ZNF7: variants seen among roughly 807,000 people sequenced by gnomAD.
ZNF7 encodes C2-H2 type zinc finger protein.
Under a neutral mutation model 12.0 loss-of-function variants are expected in ZNF7, and 10 were observed. The ratio of observed to expected loss-of-function variants is 0.83; its 90% CI spans 0.51 to 1.42. The LOEUF (loss-of-function observed/expected upper bound fraction) is 1.42, where lower values mean the gene tolerates loss of function less well. Ranked by LOEUF, ZNF7 falls within the 40% of genes most tolerant of loss-of-function variation. ZNF7 has a pLI of 0.00. For synonymous variants in ZNF7, 334 were observed against 295.0 expected (o/e 1.13, Z -1.35); for missense variants, 854 against 837.2 (o/e 1.02, Z -0.25).
rs146882915 is a variant in ZNF7 at position 144,827,648 on chromosome 8, G to T, written c.-46+39G>T. The stretch of plus-strand genomic sequence containing the variant: ...GCGGGCGCGGACTCGGGTTGCCCTC[G>T]GTCCGAGTGATCCCTGGTCGCTTCC... On this transcript the variant is annotated intron_variant, in intron 1 of 4. Transcript: ENST00000532777. 216 of 985,508 alleles carry T rather than the reference G, an allele frequency of 2.2e-4. 3 individuals carry two copies. In the East Asian group the frequency reaches 0.017, roughly 78 times the overall value. The allele number at this position is 985,508 out of a possible 1,614,324, so 61.0% of individuals were successfully genotyped here.
Position 144,842,122 on chromosome 8 carries a change from T to C in ZNF7, c.1015T>C (p.Cys339Arg), listed in dbSNP as rs376519102. The C allele has an allele frequency of 6.2e-7, 1 of 1,613,904 alleles. No homozygotes were observed. The highest frequency in any genetic ancestry group is 8.5e-7 in the Non-Finnish European group (1 of 1,180,006). The part of the protein sequence containing the change: ...TGERPYGCRE[C>R]GKAFSQQSQL... ...AGAGAGGCCCTATGGTTGTCGTGAG[T>C]GTGGGAAAGCCTTCAGCCAGCAGTC... The change falls in exon 5 of 5, where the codon TGT becomes CGT. Residue 339 changes from cysteine to arginine, a missense_variant. Transcript: ENST00000532777.
intron 1 of ZNF7, 93 bp from the exon 2 acceptor site, chr8:144,828,950 G>C: frequency 2.0e-6 from 3 of 1,493,854 alleles, no homozygotes; most frequent in Non-Finnish European, 2.7e-6. Flanking sequence ...TGGGGCTGGA[G>C]GTAAAGGAGC....
At chr8:144,829,222 C>G (rs1586785569) in intron 2 of ZNF7, 132 bp downstream of exon 2, 1 of 1,563,992 alleles carries the variant, frequency 6.4e-7, no homozygotes, top group Non-Finnish European at 8.7e-7. Flanking sequence ...GCCCCCAACC[C>G]CAAGGTAGTG....
chr8:144,842,757 G>C lies in ZNF7; in HGVS notation c.1650G>C (p.Glu550Asp). 6.2e-7 allele frequency: 1 copy of C among 1,614,240 alleles called. No homozygotes were observed. The highest frequency in any genetic ancestry group is 8.5e-7 in the Non-Finnish European group (1 of 1,180,058). The stretch of plus-strand genomic sequence containing the variant: ...TACATCAAAGGGTTCACACTGGAGA[G>C]AGGCCCTATAAATGTAATGAATGTG... ...LTIHQRVHTG[E>D]RPYKCNECGK... Residue 550 changes from glutamate to aspartate, a missense_variant, in exon 5 of 5, where the codon GAG becomes GAC. Physicochemically the swap from Glu to Asp is conservative, Grantham distance 45. Coordinates refer to ENST00000532777, the MANE Select transcript of ZNF7 (RefSeq NM_003416.4).
Position 144,843,180 on chromosome 8 carries a change from A to G in ZNF7, c.*12A>G. On this transcript the variant is annotated 3_prime_UTR_variant, in exon 5 of 5. Coordinates refer to ENST00000532777, the MANE Select transcript of ZNF7 (RefSeq NM_003416.4). ...TTCACATGGGATAGACCACTTACAT[A>G]TAAATGTGTATATATGTGAATAAAC... 1.3e-6 allele frequency: 2 copies of G among 1,553,466 alleles called. No individual in the cohort carries two copies. The highest frequency in any genetic ancestry group is 1.7e-6 in the Non-Finnish European group (2 of 1,154,862).
chr8:144,829,359 A>G, intron 2 of ZNF7, 119 bp from the exon 3 acceptor site: 1 of 1,556,742 alleles, frequency 6.4e-7, no homozygotes, highest in East Asian at 2.3e-5. Flanking sequence ...GAGGCAGAGG[A>G]GTCCTGGTGA....
At chr8:144,830,966 T>G in intron 3 of ZNF7, 1 of 456,676 alleles carries the variant, frequency 2.2e-6, no homozygotes, top group South Asian at 1.5e-5. Context: ...TGGTTATCTG[T>G]GTCCATGCTT....
At chr8:144,845,932 C>G (rs993326504), downstream of ZNF7, 1 of 1,523,888 alleles carries the variant, frequency 6.6e-7, no homozygotes, top group South Asian at 1.2e-5. Flanking sequence ...CAGGTGGTCA[C>G]CTTCAGGTCT....
intron 3 of ZNF7, chr8:144,836,791 G>C (rs1829050485): frequency 6.5e-6 from 1 of 152,988 alleles, no homozygotes; most frequent in African/African-American, 2.4e-5. Context: ...AGGGTATGGG[G>C]GCAGGTGGCC....
At chr8:144,841,238 C>T in intron 4 of ZNF7, 117 bp from the exon 5 acceptor site, 1 of 1,047,882 alleles carries the variant, frequency 9.5e-7, no homozygotes, top group South Asian at 1.6e-5. Flanking sequence ...CACCTGGGGC[C>T]TCACAGTGCT....
chr8:144,829,646 C>T (rs753511611), intron 3 of ZNF7, 42 bp downstream of exon 3: 4 of 1,571,936 alleles, frequency 2.5e-6, no homozygotes, highest in Non-Finnish European at 3.5e-6. Context: ...CATCATCAGT[C>T]AGCACCCACC....
intron 4 of ZNF7, among the ~76,000 whole-genome samples, chr8:144,840,079 C>T (rs1300616944): frequency 6.6e-6 from 1 of 152,216 alleles, no homozygotes; most frequent in African/African-American, 2.4e-5. Flanking sequence ...GGATTACAGG[C>T]GTGAGCCACT....
intron 3 of ZNF7, among the ~76,000 whole-genome samples, chr8:144,830,415 T>C (rs1270411841): frequency 1.3e-5 from 2 of 152,340 alleles, no homozygotes; most frequent in East Asian, 3.9e-4. Context: ...AGCTTGAGCC[T>C]ATTTTCACAC....
intron 3 of ZNF7, among the ~76,000 whole-genome samples, chr8:144,830,287 G>T (rs376962908): frequency 6.6e-6 from 1 of 152,320 alleles, no homozygotes; most frequent in African/African-American, 2.4e-5. Context: ...GTTGGACCAG[G>T]CCTGTCCCCC....
downstream of ZNF7, among the ~76,000 whole-genome samples, chr8:144,844,924 TAGGG>T (rs146442184): frequency 0.039 from 5,832 of 149,262 alleles, 322 homozygotes; most frequent in East Asian, 0.23. Context: ...GGGGAGAACT[TAGGG>T]AGAGGAAGTG....
At position 144,829,565 on chromosome 8, in the gene ZNF7, G is replaced by A. The variant is rs1324572217; in HGVS notation, c.91G>A (p.Glu31Lys). The A allele has an allele frequency of 2.5e-6, 4 of 1,613,710 alleles. No individual in the cohort carries two copies. The highest frequency in any genetic ancestry group is 3.4e-6 in the Non-Finnish European group (4 of 1,179,750). ...CCCTGGCCAGAGGGCCCTCTACAGGGAAGTGATGCTGGAGAACCACAGCAG... is the reference window on the plus strand; with the variant it reads ...CCCTGGCCAGAGGGCCCTCTACAGGAAAGTGATGCTGGAGAACCACAGCAG... ...LDPGQRALYR[E>K]VMLENHSSVA... Residue 31 changes from glutamate to lysine, a missense_variant, in exon 3 of 5, where the codon GAA (glutamate) becomes AAA (lysine). Glu to Lys is a moderately conservative substitution (Grantham distance 56). Coordinates refer to ENST00000532777, the MANE Select transcript of ZNF7 (RefSeq NM_003416.4).
At chr8:144,831,456 A>C (rs1828431668) in intron 3 of ZNF7, among the ~76,000 whole-genome samples, 1 of 152,206 alleles carries the variant, frequency 6.6e-6, no homozygotes, top group Admixed American at 6.5e-5. Context: ...CAATTCCTAG[A>C]TGCGTCCAAG....
downstream of ZNF7, among the ~76,000 whole-genome samples, chr8:144,845,492 T>C (rs1345823225): frequency 6.6e-6 from 1 of 152,104 alleles, no homozygotes; most frequent in African/African-American, 2.4e-5. Context: ...TGATGGCAGG[T>C]GGCTTGCTCA....
Position 144,841,344 on chromosome 8 carries a change from GT to G in ZNF7, c.248-8del. On this transcript the variant is annotated splice_polypyrimidine_tract_variant and intron_variant, in intron 4 of 4. Transcript: ENST00000532777. ...GGGCCTAAGGAACGTCTTTGTTCCT[GT>G]TTATTTCAGATTCTACGATTAGGAC... 6.3e-7 allele frequency: 1 copy of G among 1,593,706 alleles called. No homozygotes were observed. The highest frequency in any genetic ancestry group is 8.6e-7 in the Non-Finnish European group (1 of 1,167,446).
Sources: gnomAD v4.1 joint callset for allele counts (sites outside exome capture counted in the v4.1 genomes callset) on GRCh38, gnomAD v4.1.1 for gene constraint, MANE v1.5 for transcripts, NCBI Gene and HGNC (gene_info 2026-07-23, HGNC 2026-07-21) for gene names.